Variants in ARSB observed in about 807,000 individuals in gnomAD.
ARSB encodes N-acetylgalactosamine-4-sulfatase.
ARSB carries 41 observed loss-of-function variants against 50.9 expected under a neutral mutation model. The ratio of observed to expected loss-of-function variants is 0.81; its 90% CI spans 0.63 to 1.04. The LOEUF is 1.04. ARSB is among the 50% of genes least tolerant of loss of function. The probability of loss-of-function intolerance (pLI) is 0.00; values close to 1 mark genes in which losing one functional copy is unlikely to be tolerated. For synonymous variants in ARSB, 269 were observed against 284.8 expected (o/e 0.94, Z 0.56); for missense variants, 672 against 693.3 (o/e 0.97, Z 0.35).
intron 1 of ARSB, among the ~76,000 whole-genome samples, chr5:78,982,842 GA>G (rs879264614): frequency 5.3e-5 from 8 of 151,840 alleles, no homozygotes; most frequent in Non-Finnish European, 1.0e-4. Context: ...AAAACTGGAG[GA>G]AAAAAAATGT....
chr5:78,929,792 C>CAAAA (rs11355138), intron 4 of ARSB, among the ~76,000 whole-genome samples: 1 of 106,646 alleles, frequency 9.4e-6, no homozygotes, highest in African/African-American at 3.5e-5. Context: ...GACTCTGTCT[C>CAAAA]AAAAAAAAAA....
At chr5:78,924,549 C>A (rs188827180) in intron 4 of ARSB, among the ~76,000 whole-genome samples, 3 of 152,312 alleles carry the variant, frequency 2.0e-5, no homozygotes, top group Admixed American at 2.0e-4. Flanking sequence ...TCCCAACATG[C>A]CAAGTTGAGT....
intron 4 of ARSB, among the ~76,000 whole-genome samples, chr5:78,902,749 T>A (rs147442270): frequency 6.6e-6 from 1 of 152,154 alleles, no homozygotes; most frequent in South Asian, 2.1e-4. Context: ...GATTATGTGA[T>A]TGACAGAGGG....
At position 78,780,240 on chromosome 5, in the gene ARSB, A is replaced by C; in HGVS notation, c.*157T>G. 43 of 882,192 alleles carry C rather than the reference A, an allele frequency of 4.9e-5. No individual in the cohort carries two copies. The highest frequency in any genetic ancestry group is 3.5e-4 in the Middle Eastern group (1 of 2,874). The allele number at this position is 882,192 out of a possible 1,614,324, so 54.6% of individuals were successfully genotyped here. On this transcript the variant is annotated 3_prime_UTR_variant, in exon 8 of 8. Coordinates refer to ENST00000264914, the MANE Select transcript of ARSB (RefSeq NM_000046.5). ...GTGTTGCAGATTTTATCAGCTTCTTAAATGCATTAGGGGTTGAAATTAGAC... is the reference window on the plus strand; with the variant it reads ...GTGTTGCAGATTTTATCAGCTTCTTCAATGCATTAGGGGTTGAAATTAGAC...
chr5:78,948,199 A>C (rs1480796742), intron 4 of ARSB, among the ~76,000 whole-genome samples: 1 of 152,100 alleles, frequency 6.6e-6, no homozygotes, highest in Non-Finnish European at 1.5e-5. Flanking sequence ...ATATACTTAG[A>C]TAGAATGAAT....
At chr5:78,950,356 C>A (rs1416092716) in intron 4 of ARSB, among the ~76,000 whole-genome samples, 1 of 152,174 alleles carries the variant, frequency 6.6e-6, no homozygotes, top group South Asian at 2.1e-4. Context: ...GCCCACCCTG[C>A]TTTGCCTCAT....
intron 5 of ARSB, among the ~76,000 whole-genome samples, chr5:78,873,281 C>T (rs918193770): frequency 1.7e-4 from 26 of 151,832 alleles, no homozygotes; most frequent in Non-Finnish European, 2.5e-4. Flanking sequence ...AATGACAAAA[C>T]ATTATACATG....
chr5:78,809,341 G>C (rs1305460966), intron 6 of ARSB, among the ~76,000 whole-genome samples: 1 of 152,234 alleles, frequency 6.6e-6, no homozygotes, highest in Non-Finnish European at 1.5e-5. Context: ...AGGCAGGAAA[G>C]GTCACTTGGG....
At chr5:78,980,938 C>CTTTTTTT (rs762385496) in intron 1 of ARSB, among the ~76,000 whole-genome samples, 5 of 24,488 alleles carry the variant, frequency 2.0e-4, no homozygotes, top group Non-Finnish European at 3.2e-4. Flanking sequence ...ATTTCTAGTT[C>CTTTTTTT]TTTTTTTTTT....
chr5:78,804,820 C>T (rs935160568), intron 6 of ARSB, among the ~76,000 whole-genome samples: 1 of 152,182 alleles, frequency 6.6e-6, no homozygotes, highest in Non-Finnish European at 1.5e-5. Flanking sequence ...AGGGAATGGG[C>T]AAATGCTGCC....
intron 6 of ARSB, among the ~76,000 whole-genome samples, chr5:78,813,934 T>C (rs1743902687): frequency 6.6e-6 from 1 of 152,202 alleles, no homozygotes; most frequent in Non-Finnish European, 1.5e-5. Context: ...ATATACAAAA[T>C]TGTTTGAGTG....
chr5:78,840,630 C>G (rs371335782), intron 5 of ARSB, among the ~76,000 whole-genome samples: 13 of 152,222 alleles, frequency 8.5e-5, no homozygotes, highest in African/African-American at 3.1e-4. Context: ...GAATAAATAA[C>G]AGCTCCTTAA....
chr5:78,845,719 A>G (rs1425652172), intron 5 of ARSB, among the ~76,000 whole-genome samples: 1 of 151,906 alleles, frequency 6.6e-6, no homozygotes, highest in East Asian at 1.9e-4. Flanking sequence ...CCCATTTTAA[A>G]CTGGATTATT....
chr5:78,837,318 A>T (rs1744997433), intron 6 of ARSB, among the ~76,000 whole-genome samples: 2 of 152,200 alleles, frequency 1.3e-5, no homozygotes, highest in African/African-American at 4.8e-5. Flanking sequence ...TAAATTACTC[A>T]GAAAGTTTTA....
intron 4 of ARSB, among the ~76,000 whole-genome samples, chr5:78,910,205 G>A (rs1350002575): frequency 6.6e-6 from 1 of 152,210 alleles, no homozygotes; most frequent in Non-Finnish European, 1.5e-5. Context: ...AGGAAACCCG[G>A]GGACCGGTGC....
intron 6 of ARSB, among the ~76,000 whole-genome samples, chr5:78,784,005 T>C (rs57309030): frequency 6.6e-6 from 1 of 151,878 alleles, no homozygotes; most frequent in Admixed American, 6.6e-5. Context: ...TGCCTTTTTT[T>C]AAAAAAAATA....
intron 4 of ARSB, among the ~76,000 whole-genome samples, chr5:78,902,285 G>A (rs181906416): frequency 1.7e-3 from 261 of 152,244 alleles, no homozygotes; most frequent in African/African-American, 5.7e-3. Context: ...AGAAGGATTC[G>A]GTTTCCAACA....
intron 4 of ARSB, among the ~76,000 whole-genome samples, chr5:78,908,647 G>A (rs550540672): frequency 2.0e-5 from 3 of 152,272 alleles, no homozygotes; most frequent in African/African-American, 4.8e-5. Flanking sequence ...CCAGTCTCCC[G>A]GGAGCCAGTG....
chr5:78,937,057 C>T (rs989443637), intron 4 of ARSB, among the ~76,000 whole-genome samples: 3 of 151,776 alleles, frequency 2.0e-5, no homozygotes, highest in African/African-American at 7.3e-5. Flanking sequence ...TGCAGCCTGT[C>T]CAACATAACA....
Sources: gnomAD v4.1 joint callset for allele counts (sites outside exome capture counted in the v4.1 genomes callset) on GRCh38, gnomAD v4.1.1 for gene constraint, MANE v1.5 for transcripts, NCBI Gene and HGNC (gene_info 2026-07-23, HGNC 2026-07-21) for gene names.